UBE3B: variants seen among roughly 807,000 people sequenced by gnomAD.
UBE3B encodes the protein ubiquitin-protein ligase E3B.
A neutral mutation model predicts 132.3 loss-of-function variants in UBE3B; 80 were observed. The observed-to-expected ratio is 0.60, with a 90% confidence interval of 0.50 to 0.73. The LOEUF (loss-of-function observed/expected upper bound fraction) is 0.73. Among genes scored for constraint, UBE3B ranks in the 30% least tolerant of loss-of-function variants. The pLI is 0.00. For synonymous variants in UBE3B, 487 were observed against 520.4 expected, an observed-to-expected ratio of 0.94 and a Z score of 0.87; for missense variants, 1,196 against 1,362.5, an observed-to-expected ratio of 0.88 and a Z score of 1.92.
the UBE3B span, among the ~76,000 whole-genome samples, chr12:109,546,038 C>T: frequency 0.016 from 2,506 of 152,284 alleles, 84 homozygotes; most frequent in African/African-American, 0.058. Flanking sequence ...AGGCTGCAGC[C>T]TGTCTCCCTA....
Position 109,534,877 on chromosome 12 carries a change from G to A in UBE3B, c.*95G>A. On this transcript the variant is annotated 3_prime_UTR_variant, in exon 28 of 28. Transcript: ENST00000342494. The surrounding 1 kb of genome is among the most constrained non-coding windows in gnomAD (Gnocchi z 5.2). ...TCCTGGGAATGTGACCAACATGCCA[G>A]GTGACATTGGCCCCTAGACCCTCTC... The A allele has an allele frequency of 9.0e-7, 1 of 1,114,490 alleles. No individual in the cohort carries two copies. Among genetic ancestry groups the A allele is most frequent in the Non-Finnish European group, 1.3e-6 (1 of 799,134 alleles). 69.0% of individuals were successfully genotyped at this position (1,114,490 alleles called of 1,614,324 possible).
intron 24 of UBE3B, among the ~76,000 whole-genome samples, chr12:109,527,388 G>A (rs942896773): frequency 1.3e-5 from 2 of 152,170 alleles, no homozygotes; most frequent in Admixed American, 6.5e-5. Context: ...ATCTCCCGCC[G>A]CCAGGCTCAG....
At position 109,521,545 on chromosome 12, in the gene UBE3B, G is replaced by A; in HGVS notation, c.2358G>A (p.Val786=). ...EFVGKMLGKA[V]YEGIVVDVPF... ...TGGGGAAGATGCTGGGGAAGGCTGT[G>A]TATGAGGTAGGAACGTTAAGAAACA... Residue 786 remains valine, a synonymous_variant, in exon 21 of 28, where the codon GTG becomes GTA. Transcript: ENST00000342494. The surrounding 1 kb of genome is among the most constrained non-coding windows in gnomAD (Gnocchi z 4.2). 6.3e-7 allele frequency: 1 copy of A among 1,577,944 alleles called. No individual in the cohort carries two copies. The highest frequency in any genetic ancestry group is 2.2e-5 in the East Asian group (1 of 44,456).
intron 14 of UBE3B, among the ~76,000 whole-genome samples, chr12:109,506,205 G>A (rs983013496): frequency 2.0e-5 from 3 of 152,208 alleles, no homozygotes; most frequent in African/African-American, 7.2e-5. Flanking sequence ...GTAAGTGGGG[G>A]GAAGCTTTGC....
At chr12:109,547,364 A>T in the UBE3B span, among the ~76,000 whole-genome samples, 1 of 152,250 alleles carries the variant, frequency 6.6e-6, no homozygotes, top group Admixed American at 6.5e-5. This position sits in a 1 kb window ranked among gnomAD's most constrained non-coding sequence, Gnocchi z 4.1. Flanking sequence ...GAGATCAAAC[A>T]AGGTCATACA....
chr12:109,491,295 TTTTCTTAATCTTCAGTCTTGAATA>T (rs1242910263), intron 9 of UBE3B, 168 bp downstream of exon 9: 3 of 498,520 alleles, frequency 6.0e-6, no homozygotes, highest in Non-Finnish European at 6.9e-6. Context: ...TGCTCAAACT[TTTTCTTAATCTTCAGTCTTGAATA>T]TTTCTTAATC....
chr12:109,534,332 C>G lies in UBE3B; in HGVS notation c.3016-259C>G. ...GGTTAACCAGTAATTCGCTGTGAACCGGAAGGCCCCATTTCCAAAAGCTTA... is the reference window on the plus strand; with the variant it reads ...GGTTAACCAGTAATTCGCTGTGAACGGGAAGGCCCCATTTCCAAAAGCTTA... On this transcript the variant is annotated intron_variant, in intron 27 of 27. Coordinates refer to ENST00000342494, the MANE Select transcript of UBE3B (RefSeq NM_130466.4). The surrounding 1 kb of genome is among the most constrained non-coding windows in gnomAD (Gnocchi z 5.2). 7.1e-7 allele frequency: 1 copy of G among 1,407,092 alleles called. No individual in the cohort carries two copies. The highest frequency in any genetic ancestry group is 1.6e-5 in the South Asian group (1 of 61,844). 87.2% of individuals were successfully genotyped at this position (1,407,092 alleles called of 1,614,324 possible).
chr12:109,517,073 C>T (rs1308947034), intron 19 of UBE3B, among the ~76,000 whole-genome samples, 189 bp downstream of exon 19: 1 of 152,160 alleles, frequency 6.6e-6, no homozygotes, highest in Non-Finnish European at 1.5e-5. Flanking sequence ...TAAACATGTT[C>T]TCATTGCTGG....
chr12:109,516,555 C>G (rs1013594890), intron 18 of UBE3B, among the ~76,000 whole-genome samples: 3 of 152,062 alleles, frequency 2.0e-5, no homozygotes, highest in Non-Finnish European at 4.4e-5. Context: ...ACGTTTTTTG[C>G]TTGTGTATTC....
chr12:109,512,208 C>T (rs1566098734), intron 18 of UBE3B, among the ~76,000 whole-genome samples: 2 of 152,200 alleles, frequency 1.3e-5, no homozygotes, highest in South Asian at 2.1e-4. Flanking sequence ...GTGAGGTAGT[C>T]AGGGAATCAG....
At chr12:109,502,925 G>A in intron 13 of UBE3B, 98 bp from the exon 14 acceptor site, 2 of 1,466,736 alleles carry the variant, frequency 1.4e-6, no homozygotes, top group Non-Finnish European at 1.9e-6. Context: ...TGGCCTGGCT[G>A]TGCATTTAGA....
intron 2 of UBE3B, among the ~76,000 whole-genome samples, chr12:109,483,324 A>G (rs1361603477): frequency 6.6e-6 from 1 of 152,218 alleles, no homozygotes; most frequent in African/African-American, 2.4e-5. Flanking sequence ...TATAGGATGT[A>G]GCATCCCTGG....
intron 24 of UBE3B, among the ~76,000 whole-genome samples, chr12:109,527,119 G>A (rs974670467): frequency 3.9e-5 from 6 of 152,220 alleles, no homozygotes; most frequent in African/African-American, 1.4e-4. Flanking sequence ...GTATAAAACA[G>A]TGTTCTTGAG....
At chr12:109,529,845 C>T (rs1283089835) in intron 24 of UBE3B, 45 bp from the exon 25 acceptor site, 3 of 1,609,096 alleles carry the variant, frequency 1.9e-6, no homozygotes, top group Non-Finnish European at 1.7e-6. Flanking sequence ...ACAGCCTGCC[C>T]CGTCCTGTTA....
chr12:109,533,940 C>T, intron 27 of UBE3B: 1 of 1,314,700 alleles, frequency 7.6e-7, no homozygotes, highest in Non-Finnish European at 9.9e-7. Context: ...CTACTCCTAC[C>T]CCAGCAGGCT....
chr12:109,523,227 G>A (rs1881921390), intron 21 of UBE3B, among the ~76,000 whole-genome samples: 1 of 152,156 alleles, frequency 6.6e-6, no homozygotes, highest in Non-Finnish European at 1.5e-5. Context: ...CCCTCCTGCC[G>A]CTACCCTGGC....
chr12:109,486,530 C>A lies in UBE3B; in HGVS notation c.402C>A (p.Ile134=), dbSNP rs771145796. 2 of 1,381,044 alleles carry A rather than the reference C, an allele frequency of 1.4e-6. No individual in the cohort carries two copies. Among genetic ancestry groups the A allele is most frequent in the African/African-American group, 3.6e-5 (2 of 55,620 alleles). The allele number at this position is 1,381,044 out of a possible 1,614,324, so 85.5% of individuals were successfully genotyped here. A position where few individuals can be genotyped will look rare whatever the true frequency, so the allele number is the denominator to read the frequency against. The change falls in exon 6 of 28, where the codon ATC becomes ATA. Residue 134 remains isoleucine, a synonymous_variant. Transcript: ENST00000342494. ...KDLTLLWIQQ[I]KNILWYCCDF... ...TCACCCTCCTTTGGATTCAACAGAT[C>A]AAGAACATTTTGTGGTACTGCTGTG... is the stretch of plus-strand genomic sequence containing the variant.
At chr12:109,533,784 T>C in intron 27 of UBE3B, 1 of 874,156 alleles carries the variant, frequency 1.1e-6, no homozygotes, top group South Asian at 1.4e-5. Flanking sequence ...CCTTTCTCTT[T>C]CCTTCCTCAG....
intron 12 of UBE3B, 132 bp downstream of exon 12, chr12:109,499,942 A>C (rs965586583): frequency 2.6e-6 from 2 of 774,594 alleles, no homozygotes; most frequent in Non-Finnish European, 3.4e-6. Flanking sequence ...ATATATTAAT[A>C]AATTGTGAGT....
Sources: allele counts gnomAD v4.1 joint callset (sites outside exome capture counted in the v4.1 genomes callset), GRCh38; gene constraint gnomAD v4.1.1; non-coding constraint Gnocchi (gnomAD v3.1); transcripts MANE v1.5; gene names NCBI Gene and HGNC (gene_info 2026-07-23, HGNC 2026-07-21).